The following SLC8A1 variants were observed in gnomAD, a reference collection of about 807,000 sequenced individuals.
SLC8A1 encodes solute carrier family 8 member A1.
SLC8A1 carries 18 observed loss-of-function variants against 68.3 expected under a neutral mutation model. The observed-to-expected ratio is 0.26, with a 90% CI of 0.18 to 0.39. The LOEUF (loss-of-function observed/expected upper bound fraction) is 0.39. Ranked by LOEUF, SLC8A1 falls within the 10% of genes least tolerant of loss-of-function variation. SLC8A1 has a pLI of 1.00. For synonymous variants in SLC8A1, 475 were observed against 415.5 expected (o/e 1.14, Z -1.74); for missense variants, 985 against 1,156.7 (o/e 0.85, Z 2.15).
chr2:40,293,706 G>A (rs1017177650), intron 2 of SLC8A1, among the ~76,000 whole-genome samples: 15 of 152,024 alleles, frequency 9.9e-5, no homozygotes, highest in African/African-American at 3.4e-4. Flanking sequence ...GTTACTTCAA[G>A]GCAATTGAAA....
At chr2:40,108,254 A>C (rs999968238) in exon 8 of SLC8A1, 4 of 151,708 alleles carry the variant, frequency 2.6e-5, no homozygotes, top group African/African-American at 7.2e-5. Flanking sequence ...GTATTCTACA[A>C]ATAACTCAAT....
intron 2 of SLC8A1, among the ~76,000 whole-genome samples, chr2:40,306,464 T>A (rs1041998083): frequency 1.2e-4 from 18 of 149,506 alleles, no homozygotes; most frequent in African/African-American, 3.7e-4. Context: ...GGGGGGGGCA[T>A]AGCGTGGAAT....
chr2:40,397,395 G>A (rs1370431889), intron 2 of SLC8A1, among the ~76,000 whole-genome samples: 1 of 152,156 alleles, frequency 6.6e-6, no homozygotes, highest in African/African-American at 2.4e-5. Flanking sequence ...TCATTCCATA[G>A]TCAAAGCTCA....
intron 2 of SLC8A1, among the ~76,000 whole-genome samples, chr2:40,351,425 C>A (rs200406962): frequency 6.6e-6 from 1 of 150,900 alleles, no homozygotes; most frequent in East Asian, 1.9e-4. Flanking sequence ...AAAAGGGAGA[C>A]CATACCAATC....
chr2:40,315,623 T>C (rs1006579717), intron 2 of SLC8A1, among the ~76,000 whole-genome samples: 7 of 151,870 alleles, frequency 4.6e-5, no homozygotes, highest in African/African-American at 1.7e-4. Context: ...GCTTGAAGAA[T>C]TGGTCAAAAT....
chr2:40,439,001 T>C (rs969392453), intron 1 of SLC8A1, among the ~76,000 whole-genome samples: 28 of 152,056 alleles, frequency 1.8e-4, no homozygotes, highest in Admixed American at 2.0e-4. Context: ...AAGATGTTGA[T>C]GTTAAGTAAT....
intron 1 of SLC8A1, among the ~76,000 whole-genome samples, chr2:40,478,257 T>A (rs577290542): frequency 1.2e-4 from 18 of 151,912 alleles, no homozygotes; most frequent in African/African-American, 4.1e-4. Context: ...CCATTACCAT[T>A]TTTCTGAAAA....
At chr2:40,495,408 C>T (rs1316599939) in intron 1 of SLC8A1, among the ~76,000 whole-genome samples, 2 of 151,956 alleles carry the variant, frequency 1.3e-5, no homozygotes, top group Non-Finnish European at 2.9e-5. Context: ...GCGAAGGATC[C>T]GAGTTCAGGA....
intron 2 of SLC8A1, among the ~76,000 whole-genome samples, chr2:40,368,017 TAAC>T (rs1202454732): frequency 4.6e-5 from 7 of 152,130 alleles, no homozygotes; most frequent in African/African-American, 1.7e-4. Context: ...TTCAGCCTGT[TAAC>T]AACATGTTGA....
chr2:40,431,577 A>G (rs1469879880), intron 1 of SLC8A1, among the ~76,000 whole-genome samples: 2 of 152,092 alleles, frequency 1.3e-5, no homozygotes, highest in Admixed American at 1.3e-4. Flanking sequence ...GTGAGGGGAA[A>G]CTGAAGTAGA....
chr2:40,220,948 C>A (rs1219011223), intron 2 of SLC8A1, among the ~76,000 whole-genome samples: 5 of 151,902 alleles, frequency 3.3e-5, no homozygotes, highest in Admixed American at 1.3e-4. Flanking sequence ...GCCAGAGGTA[C>A]AAAGAGGAGC....
chr2:40,480,078 GT>G (rs550314047), intron 1 of SLC8A1, among the ~76,000 whole-genome samples: 7 of 151,488 alleles, frequency 4.6e-5, no homozygotes, highest in African/African-American at 4.8e-5. Context: ...CACGTTTATT[GT>G]TTTTTTTTAA....
intron 1 of SLC8A1, among the ~76,000 whole-genome samples, chr2:40,484,900 G>C (rs1263339213): frequency 6.6e-6 from 1 of 152,230 alleles, no homozygotes; most frequent in Non-Finnish European, 1.5e-5. Flanking sequence ...GGGGAAGCCA[G>C]AGAGATATGC....
exon 2 of SLC8A1, chr2:40,428,846 T>G (rs1403065305): frequency 6.2e-7 from 1 of 1,613,704 alleles, no homozygotes; most frequent in Non-Finnish European, 8.5e-7. Flanking sequence ...TCATCTATGA[T>G]ACCCACTCTG....
intron 2 of SLC8A1, among the ~76,000 whole-genome samples, chr2:40,252,419 G>GC (rs1215417670): frequency 6.6e-6 from 1 of 151,992 alleles, no homozygotes; most frequent in East Asian, 1.9e-4. Flanking sequence ...TGCAACCTCT[G>GC]CCTACTGAGT....
intron 2 of SLC8A1, among the ~76,000 whole-genome samples, chr2:40,345,269 A>G (rs191017740): frequency 5.9e-5 from 9 of 152,292 alleles, no homozygotes; most frequent in African/African-American, 2.2e-4. Context: ...CTACACTCCT[A>G]CCTCATCAAT....
intron 2 of SLC8A1, among the ~76,000 whole-genome samples, chr2:40,256,853 G>T (rs567901338): frequency 6.6e-6 from 1 of 152,100 alleles, no homozygotes; most frequent in African/African-American, 2.4e-5. Context: ...CTGCCACCTG[G>T]GACAGCCTTT....
chr2:40,417,388 G>A (rs771422370), intron 2 of SLC8A1, among the ~76,000 whole-genome samples: 1 of 152,088 alleles, frequency 6.6e-6, no homozygotes, highest in African/African-American at 2.4e-5. Context: ...AACCAAACAA[G>A]AAAAACATAA....
At chr2:40,505,697 A>T (rs1706327230) in intron 1 of SLC8A1, among the ~76,000 whole-genome samples, 1 of 151,948 alleles carries the variant, frequency 6.6e-6, no homozygotes. Context: ...CAACAATAAC[A>T]ATATTCAGAA....
Sources: gnomAD v4.1 joint callset for allele counts (sites outside exome capture counted in the v4.1 genomes callset) on GRCh38, gnomAD v4.1.1 for gene constraint, MANE v1.5 for transcripts, NCBI Gene and HGNC (gene_info 2026-07-23, HGNC 2026-07-21) for gene names.